Variants in LRCH3 observed in about 807,000 individuals in gnomAD.
The protein encoded by LRCH3 is leucine rich repeats and calponin homology domain containing 3.
Under a neutral mutation model 104.5 loss-of-function variants are expected in LRCH3, and 68 were observed. That is an observed-to-expected ratio of 0.65 (90% CI 0.54 to 0.80). LRCH3 has a LOEUF of 0.80. LRCH3 is among the 30% of genes least tolerant of loss of function. The probability of loss-of-function intolerance (pLI) is 0.00; values close to 1 mark genes in which losing one functional copy is unlikely to be tolerated. For missense variants in LRCH3, 951 were observed against 953.9 expected, an observed-to-expected ratio of 1.00 and a Z score of 0.04; for synonymous variants, 344 against 361.3, an observed-to-expected ratio of 0.95 and a Z score of 0.54.
intron 12 of LRCH3, chr3:197,851,053 A>G: frequency 1.4e-6 from 1 of 699,762 alleles, no homozygotes; most frequent in South Asian, 1.5e-5. Context: ...TACTAAGATT[A>G]AATACTCAGG....
chr3:197,862,321 AG>A (rs1301538451), intron 15 of LRCH3, among the ~76,000 whole-genome samples: 1 of 152,178 alleles, frequency 6.6e-6, no homozygotes, highest in African/African-American at 2.4e-5. Context: ...ACCGAAGGAG[AG>A]AACATTCGCT....
intron 5 of LRCH3, among the ~76,000 whole-genome samples, chr3:197,827,859 A>C (rs1735412256): frequency 6.6e-6 from 1 of 152,028 alleles, no homozygotes; most frequent in Non-Finnish European, 1.5e-5. Flanking sequence ...TGGGCAGATC[A>C]TGAGGTCAGG....
chr3:197,812,181 C>T (rs781245371), intron 1 of LRCH3, among the ~76,000 whole-genome samples: 2 of 152,166 alleles, frequency 1.3e-5, no homozygotes, highest in Non-Finnish European at 2.9e-5. Flanking sequence ...ACTAACTCCT[C>T]ATTACTTCCT....
intron 1 of LRCH3, among the ~76,000 whole-genome samples, chr3:197,813,510 A>ATTTCTTTTTT (rs1560532143): frequency 1.5e-5 from 1 of 66,032 alleles, no homozygotes; most frequent in African/African-American, 4.7e-5. Context: ...GAGGCATATA[A>ATTTCTTTTTT]TTTTTTTTTT....
intron 10 of LRCH3, among the ~76,000 whole-genome samples, 168 bp from the exon 11 acceptor site, chr3:197,847,241 C>G (rs1350380343): frequency 1.3e-5 from 2 of 152,174 alleles, no homozygotes; most frequent in African/African-American, 4.8e-5. Context: ...CACTTAATGA[C>G]TTGGACTTAG....
chr3:197,795,242 G>A (rs1265359599), intron 1 of LRCH3, among the ~76,000 whole-genome samples: 2 of 152,128 alleles, frequency 1.3e-5, no homozygotes, highest in African/African-American at 4.8e-5. Context: ...AATTTTGCCA[G>A]TCCATTATTC....
At chr3:197,830,095 A>G (rs1292776542) in intron 6 of LRCH3, among the ~76,000 whole-genome samples, 2 of 152,218 alleles carry the variant, frequency 1.3e-5, no homozygotes, top group Non-Finnish European at 2.9e-5. Flanking sequence ...AAGGCAAGTC[A>G]TTCCTACTTT....
intron 7 of LRCH3, 142 bp from the exon 8 acceptor site, chr3:197,832,055 A>T: frequency 1.4e-6 from 1 of 704,190 alleles, no homozygotes. Flanking sequence ...TTAGGATTAC[A>T]GGCATGTGTG....
intron 12 of LRCH3, among the ~76,000 whole-genome samples, chr3:197,851,135 C>A (rs920135699): frequency 3.3e-5 from 5 of 152,158 alleles, no homozygotes; most frequent in African/African-American, 1.2e-4. Context: ...TGAGCACAGT[C>A]TATGCTGCCT....
At chr3:197,866,258 G>A (rs1420676366) in intron 17 of LRCH3, 39 bp downstream of exon 17, 1 of 1,461,392 alleles carries the variant, frequency 6.8e-7, no homozygotes, top group Admixed American at 1.7e-5. Flanking sequence ...AGCGAGGGGA[G>A]GTTTACACAA....
intron 20 of LRCH3, among the ~76,000 whole-genome samples, chr3:197,879,156 A>G (rs1488024130): frequency 6.6e-6 from 1 of 152,224 alleles, no homozygotes; most frequent in African/African-American, 2.4e-5. Flanking sequence ...AAAAACTTGT[A>G]TCTGAGTCCA....
chr3:197,839,485 T>C (rs1001284741), intron 10 of LRCH3, 88 bp downstream of exon 10: 4 of 716,582 alleles, frequency 5.6e-6, no homozygotes, highest in African/African-American at 1.8e-5. Context: ...CTGTGTGTAA[T>C]AAAGATGTTT....
chr3:197,869,162 A>G (rs1003702609), intron 17 of LRCH3, among the ~76,000 whole-genome samples: 2 of 152,250 alleles, frequency 1.3e-5, no homozygotes, highest in African/African-American at 4.8e-5. Flanking sequence ...GTAGAAACCA[A>G]TATACTGTAC....
intron 15 of LRCH3, among the ~76,000 whole-genome samples, chr3:197,864,465 C>T (rs1741226699): frequency 6.7e-6 from 1 of 149,130 alleles, no homozygotes; most frequent in African/African-American, 2.6e-5. Flanking sequence ...AAAAAATTAG[C>T]TGGGTATGGT....
In LRCH3 at chr3:197,810,744, A is replaced by C. The variant is rs1399716422; in HGVS notation, c.263-4164A>C. 1.4e-4 allele frequency among the ~76,000 whole-genome samples: 21 copies of C among 152,200 alleles called. No individual in the cohort carries two copies. The highest frequency in any genetic ancestry group is 2.9e-5 in the Non-Finnish European group (2 of 68,044). On this transcript the variant is annotated intron_variant, in intron 1 of 20. Transcript: ENST00000425562. This position sits in a 1 kb window ranked among gnomAD's most constrained non-coding sequence, Gnocchi z 4.0. ...TTATTGTGGAGAAAAAAAACAGAAAAAGGAAAAAGTACATTTGTTTCATCT... is the reference window on the plus strand; with the variant it reads ...TTATTGTGGAGAAAAAAAACAGAAACAGGAAAAAGTACATTTGTTTCATCT...
chr3:197,833,858 G>A (rs1233673050), intron 8 of LRCH3, among the ~76,000 whole-genome samples: 4 of 152,238 alleles, frequency 2.6e-5, no homozygotes, highest in East Asian at 1.9e-4. Context: ...TTCAGAAATC[G>A]TCTTAATATA....
chr3:197,878,884 T>C (rs1217731577), intron 20 of LRCH3, among the ~76,000 whole-genome samples: 2 of 152,238 alleles, frequency 1.3e-5, no homozygotes, highest in Admixed American at 6.5e-5. Flanking sequence ...AATGTAATAA[T>C]GACCACTTTT....
rs1418622060 is a variant in LRCH3 at position 197,847,859 on chromosome 3, G to A, written c.1381-13G>A. On this transcript the variant is annotated splice_polypyrimidine_tract_variant and intron_variant, in intron 11 of 20. Transcript: ENST00000425562. ...TTTTTACTTTTGTATGCACAATAAC[G>A]CTTTGGTTCCAGCTGTCACACACAG... 9 of 1,613,062 alleles carry A rather than the reference G, an allele frequency of 5.6e-6. No homozygotes were observed. Among genetic ancestry groups the A allele is most frequent in the Middle Eastern group, 3.3e-4 (2 of 6,050 alleles).
intron 6 of LRCH3, 49 bp from the exon 7 acceptor site, chr3:197,830,721 T>A: frequency 6.1e-6 from 9 of 1,475,440 alleles, no homozygotes; most frequent in Non-Finnish European, 7.5e-6. Flanking sequence ...TTTCAAATTT[T>A]AATTGTTAAA....
Sources: gnomAD v4.1 joint callset for allele counts (sites outside exome capture counted in the v4.1 genomes callset) on GRCh38, gnomAD v4.1.1 for gene constraint, Gnocchi (gnomAD v3.1) non-coding constraint, MANE v1.5 for transcripts, NCBI Gene and HGNC (gene_info 2026-07-23, HGNC 2026-07-21) for gene names.